The following XRN2 variants were observed in gnomAD, a reference collection of about 807,000 sequenced individuals.
The protein encoded by XRN2 is DHM1-like protein.
In XRN2, 44 loss-of-function variants were observed where a neutral mutation model predicts 138.5. That is an observed-to-expected ratio of 0.32 (90% CI 0.25 to 0.41). The LOEUF (loss-of-function observed/expected upper bound fraction) is 0.41. Ranked by LOEUF, XRN2 falls within the 10% of genes least tolerant of loss-of-function variation. The pLI is 1.00. For missense variants in XRN2, 937 were observed against 1,169.3 expected (o/e 0.80, Z 2.90); for synonymous variants, 354 against 369.4 (o/e 0.96, Z 0.48).
At chr20:21,355,369 G>A (rs1232639403) in intron 21 of XRN2, among the ~76,000 whole-genome samples, 1 of 152,092 alleles carries the variant, frequency 6.6e-6, no homozygotes, top group Admixed American at 6.6e-5. Flanking sequence ...TTCATATTCG[G>A]AAATTGCAAA....
intron 1 of XRN2, among the ~76,000 whole-genome samples, chr20:21,321,301 CTGTGTGTGTGTGTGTGTGTGTGTGTG>C (rs61188840): frequency 3.3e-5 from 4 of 121,426 alleles, no homozygotes; most frequent in Admixed American, 3.3e-4. Flanking sequence ...CTGTGCCTGG[CTGTGTGTGTGTGTGTGTGTGTGTGTG>C]TGTGTGTGTG....
chr20:21,340,286 C>A (rs1243820970), intron 14 of XRN2, among the ~76,000 whole-genome samples: 2 of 152,072 alleles, frequency 1.3e-5, no homozygotes, highest in Non-Finnish European at 2.9e-5. Flanking sequence ...CAGAGTGAGA[C>A]TCTGTCTCAA....
At chr20:21,345,507 A>G (rs556163688) in intron 16 of XRN2, among the ~76,000 whole-genome samples, 21 of 152,220 alleles carry the variant, frequency 1.4e-4, no homozygotes, top group Non-Finnish European at 2.6e-4. Context: ...AATCTGGCAC[A>G]TGGAAAAGAG....
intron 27 of XRN2, among the ~76,000 whole-genome samples, chr20:21,378,472 T>G (rs1437395038): frequency 6.6e-6 from 1 of 152,236 alleles, no homozygotes; most frequent in African/African-American, 2.4e-5. Flanking sequence ...GGCCTCACTC[T>G]GTGACCTCTG....
At chr20:21,366,095 TAAC>T (rs1217754335) in intron 26 of XRN2, among the ~76,000 whole-genome samples, 81 of 118,566 alleles carry the variant, frequency 6.8e-4, no homozygotes, top group African/African-American at 1.0e-3. Context: ...TTTATATATA[TAAC>T]ATATATAAAT....
At chr20:21,306,963 G>A (rs1385919943) in intron 1 of XRN2, among the ~76,000 whole-genome samples, 1 of 76,404 alleles carries the variant, frequency 1.3e-5, no homozygotes, top group African/African-American at 3.6e-5. Context: ...CCGAGATCCC[G>A]CCACTGCACT....
intron 27 of XRN2, among the ~76,000 whole-genome samples, chr20:21,380,317 TCAAA>T (rs1454831942): frequency 6.6e-6 from 1 of 152,214 alleles, no homozygotes; most frequent in African/African-American, 2.4e-5. Context: ...AAAAAGTGGC[TCAAA>T]CATTGATTTT....
intron 1 of XRN2, among the ~76,000 whole-genome samples, chr20:21,311,504 T>TA (rs1234808397): frequency 6.6e-6 from 1 of 152,208 alleles, no homozygotes; most frequent in African/African-American, 2.4e-5. Context: ...TTTAGTCTAT[T>TA]ATGAATAACA....
intron 13 of XRN2, among the ~76,000 whole-genome samples, chr20:21,334,389 T>A (rs2038258021): frequency 6.6e-6 from 1 of 152,224 alleles, no homozygotes; most frequent in Admixed American, 6.5e-5. Flanking sequence ...GTACCCTGTT[T>A]GAGTTGCATT....
At chr20:21,358,949 G>T (rs2038606195) in intron 24 of XRN2, among the ~76,000 whole-genome samples, 1 of 152,162 alleles carries the variant, frequency 6.6e-6, no homozygotes, top group Admixed American at 6.5e-5. Context: ...TAAAGCATTG[G>T]CGCTTCAGGC....
At chr20:21,348,312 T>C (rs780598446) in intron 18 of XRN2, 29 bp from the exon 19 acceptor site, 9 of 1,612,338 alleles carry the variant, frequency 5.6e-6, no homozygotes, top group Non-Finnish European at 6.8e-6. Flanking sequence ...ATAATAATCT[T>C]GGGTCTTTAA....
chr20:21,325,308 A>G (rs1258704646), intron 1 of XRN2, among the ~76,000 whole-genome samples: 3 of 152,232 alleles, frequency 2.0e-5, no homozygotes, highest in East Asian at 1.9e-4. Context: ...AGAGAAAAAC[A>G]AAGGAAGTAA....
At chr20:21,336,322 CGTG>C (rs2038292293) in intron 13 of XRN2, among the ~76,000 whole-genome samples, 1 of 151,946 alleles carries the variant, frequency 6.6e-6, no homozygotes, top group Non-Finnish European at 1.5e-5. Context: ...TTAAGCTGGG[CGTG>C]GTGGTGGGCG....
rs759687372 is a variant in XRN2 at position 21,349,370 on chromosome 20, A to G, written c.1864-19A>G. The G allele has an allele frequency of 6.0e-6, 9 of 1,498,200 alleles. No homozygotes were observed. The highest frequency in any genetic ancestry group is 7.4e-6 in the Non-Finnish European group (8 of 1,078,720). The allele number at this position is 1,498,200 out of a possible 1,614,324, so 92.8% of individuals were successfully genotyped here. On this transcript the variant is annotated intron_variant, in intron 19 of 29. Transcript: ENST00000377191. ...TGTGTGACTTCTGTTTTGATTCTTT[A>G]CTTTTCTCCCTAATATAGGATTCTA...
At chr20:21,357,047 A>G (rs1325139286) in intron 23 of XRN2, among the ~76,000 whole-genome samples, 1 of 152,194 alleles carries the variant, frequency 6.6e-6, no homozygotes, top group African/African-American at 2.4e-5. Flanking sequence ...CCAGATATTA[A>G]TGAGATTTTT....
Position 21,332,366 on chromosome 20 carries a change from C to G in XRN2, c.784C>G (p.Pro262Ala). 4 of 1,613,664 alleles carry G rather than the reference C, an allele frequency of 2.5e-6. No individual in the cohort carries two copies. Among genetic ancestry groups the G allele is most frequent in the Non-Finnish European group, 3.4e-6 (4 of 1,179,804 alleles). Reference protein sequence around the residue: ...REEFKPNKPKPCGLCNQFGHE... With the variant: ...REEFKPNKPKACGLCNQFGHE... ...AGAATTCAAACCAAACAAGCCCAAA[C>G]CATGTGGTCTTTGTAATCAGTTTGG... Residue 262 changes from proline to alanine, a missense_variant, in exon 9 of 30, where the codon CCA becomes GCA. By Grantham distance (27) the Pro-to-Ala change is conservative. Coordinates refer to ENST00000377191, the MANE Select transcript of XRN2 (RefSeq NM_012255.5).
At chr20:21,381,713 T>C (rs367661655) in intron 27 of XRN2, among the ~76,000 whole-genome samples, 2 of 150,130 alleles carry the variant, frequency 1.3e-5, no homozygotes, top group Non-Finnish European at 3.0e-5. Context: ...TACACACACA[T>C]ACACACACAC....
chr20:21,309,962 C>T (rs2037857481), intron 1 of XRN2, among the ~76,000 whole-genome samples: 1 of 152,006 alleles, frequency 6.6e-6, no homozygotes, highest in Non-Finnish European at 1.5e-5. Context: ...TTTGATTCTG[C>T]TCTTATATGT....
intron 8 of XRN2, 26 bp from the exon 9 acceptor site, chr20:21,332,257 A>T (rs1175395615): frequency 6.2e-7 from 1 of 1,602,574 alleles, no homozygotes; most frequent in Non-Finnish European, 8.5e-7. Context: ...TCACTGTTCG[A>T]TGTTTTTCTC....
Sources: allele counts gnomAD v4.1 joint callset (sites outside exome capture counted in the v4.1 genomes callset), GRCh38; gene constraint gnomAD v4.1.1; transcripts MANE v1.5; gene names NCBI Gene and HGNC (gene_info 2026-07-23, HGNC 2026-07-21).